The following LPAR3 variants were observed in gnomAD, a reference collection of about 807,000 sequenced individuals.
The protein encoded by LPAR3 is lysophosphatidic acid receptor 3.
In LPAR3, 7 loss-of-function variants were observed where a neutral mutation model predicts 17.8. The observed-to-expected ratio is 0.39, with a 90% confidence interval of 0.22 to 0.74. The LOEUF (loss-of-function observed/expected upper bound fraction) is 0.74, where lower values mean the gene tolerates loss of function less well. LPAR3 is among the 30% of genes least tolerant of loss of function. The pLI is 0.40. For missense variants in LPAR3, 391 were observed against 453.4 expected, an observed-to-expected ratio of 0.86 and a Z score of 1.25; for synonymous variants, 179 against 179.9, an observed-to-expected ratio of 0.99 and a Z score of 0.04.
At chr1:84,817,684 C>G (rs541203409) in intron 2 of LPAR3, among the ~76,000 whole-genome samples, 3 of 151,954 alleles carry the variant, frequency 2.0e-5, no homozygotes, top group Non-Finnish European at 4.4e-5. Flanking sequence ...AAGATGAGAT[C>G]AGCAGATTTT....
rs375993208 is a variant in LPAR3 at position 84,865,248 on chromosome 1, G to A, written c.736+137C>T. 1.1e-4 allele frequency: 96 copies of A among 852,644 alleles called. No homozygotes were observed. The African/African-American group carries it at 1.3e-3, about 12-fold the overall frequency. 52.8% of individuals were successfully genotyped at this position (852,644 alleles called of 1,614,324 possible). A position where few individuals can be genotyped will look rare whatever the true frequency, so the allele number is the denominator to read the frequency against. Reference sequence around the variant, plus strand: ...TTTCCTTATTAGAGTGTAAGCTCCAGGTGGGTGGCGATTTATGTCCGTTCT... The same window carrying A: ...TTTCCTTATTAGAGTGTAAGCTCCAAGTGGGTGGCGATTTATGTCCGTTCT... On this transcript the variant is annotated intron_variant, in intron 2 of 2. Transcript: ENST00000370611.
Position 84,813,912 on chromosome 1 carries a change from G to A in LPAR3, c.996C>T (p.Asp332=). ...TATCCTCTATGTACTGGCTGCCTGT[G>A]TCACTCCTGCTGAGGACTGTGGAGG... The part of the protein sequence containing the change: ...RIPSTVLSRS[D]TGSQYIEDSI... Residue 332 remains aspartate (D), a synonymous_variant, in exon 3 of 3, where the codon GAC becomes GAT. Transcript: ENST00000370611. 1.2e-6 allele frequency: 2 copies of A among 1,614,166 alleles called. No individual in the cohort carries two copies. Among genetic ancestry groups the A allele is most frequent in the South Asian group, 1.1e-5 (1 of 91,080 alleles).
chr1:84,850,994 G>A (rs79614619), intron 2 of LPAR3, among the ~76,000 whole-genome samples: 4,487 of 152,338 alleles, frequency 0.029, 232 homozygotes, highest in African/African-American at 0.099. Flanking sequence ...AGCACTGGGA[G>A]GAGGGTATGC....
chr1:84,840,442 T>C (rs1328506471), intron 2 of LPAR3, among the ~76,000 whole-genome samples: 8 of 152,216 alleles, frequency 5.3e-5, no homozygotes, highest in Non-Finnish European at 1.0e-4. Flanking sequence ...AAAAATCTTA[T>C]AGAAGACTTT....
At chr1:84,816,488 T>C (rs988512426) in intron 2 of LPAR3, among the ~76,000 whole-genome samples, 3 of 152,104 alleles carry the variant, frequency 2.0e-5, no homozygotes, top group Admixed American at 6.5e-5. Flanking sequence ...TGCTGAACAA[T>C]GGTTTCTTCT....
intron 2 of LPAR3, among the ~76,000 whole-genome samples, chr1:84,835,213 G>A (rs189038911): frequency 3.3e-5 from 5 of 152,272 alleles, no homozygotes; most frequent in Admixed American, 6.5e-5. Context: ...AAGATGCACC[G>A]TGGACTGATC....
intron 1 of LPAR3, among the ~76,000 whole-genome samples, chr1:84,878,566 C>T (rs1660299055): frequency 6.6e-6 from 1 of 152,120 alleles, no homozygotes; most frequent in Non-Finnish European, 1.5e-5. Flanking sequence ...ACCCAATGTG[C>T]CTTGGAGCTA....
At chr1:84,885,865 A>G (rs1215769057) in intron 1 of LPAR3, among the ~76,000 whole-genome samples, 1 of 152,240 alleles carries the variant, frequency 6.6e-6, no homozygotes, top group Non-Finnish European at 1.5e-5. Flanking sequence ...ACTGCCAGAG[A>G]AGATATGTAC....
intron 2 of LPAR3, among the ~76,000 whole-genome samples, chr1:84,828,008 G>A (rs144291949): frequency 5.3e-5 from 8 of 152,162 alleles, no homozygotes; most frequent in Non-Finnish European, 2.9e-5. Flanking sequence ...AGAAGAAGAG[G>A]GGGTGGAGGG....
intron 2 of LPAR3, among the ~76,000 whole-genome samples, chr1:84,840,159 G>C (rs1364175334): frequency 6.6e-6 from 1 of 152,194 alleles, no homozygotes; most frequent in Non-Finnish European, 1.5e-5. Flanking sequence ...CCTGGGCTCA[G>C]GCAGTTCTCC....
At chr1:84,887,186 G>A (rs970212013) in intron 1 of LPAR3, among the ~76,000 whole-genome samples, 21 of 149,044 alleles carry the variant, frequency 1.4e-4, no homozygotes, top group Non-Finnish European at 2.5e-4. Flanking sequence ...GCACCATGGT[G>A]AAACCAACTC....
At chr1:84,846,647 G>A (rs1468752331) in intron 2 of LPAR3, among the ~76,000 whole-genome samples, 1 of 152,094 alleles carries the variant, frequency 6.6e-6, no homozygotes, top group Non-Finnish European at 1.5e-5. Flanking sequence ...GTCTCCTGGT[G>A]TTAATAGCTT....
Position 84,813,849 on chromosome 1 carries a change from G to A in LPAR3, c.1059C>T (p.Ser353=). ...SQGAVCNKST[S] ...TGGGCCGAGAGGCATCCAGAGTTTA[G>A]GAAGTGCTTTTATTGCAGACTGCAC... The change falls in exon 3 of 3, where the codon TCC becomes TCT. Residue 353 remains serine (S), a synonymous_variant. Transcript: ENST00000370611. 6.2e-7 allele frequency: 1 copy of A among 1,612,052 alleles called. No individual in the cohort carries two copies. The highest frequency in any genetic ancestry group is 2.2e-5 in the East Asian group (1 of 44,826).
chr1:84,881,739 T>C (rs554419868), intron 1 of LPAR3, among the ~76,000 whole-genome samples: 61 of 151,840 alleles, frequency 4.0e-4, no homozygotes, highest in Non-Finnish European at 3.5e-4. Context: ...GGAGGCAGGA[T>C]TGGAAAGGGG....
intron 2 of LPAR3, among the ~76,000 whole-genome samples, chr1:84,828,302 G>A (rs1659205015): frequency 6.6e-6 from 1 of 152,078 alleles, no homozygotes. Flanking sequence ...AAATTCGAAT[G>A]GCAATCATTT....
chr1:84,839,681 G>GTAAAA (rs149291447), intron 2 of LPAR3, among the ~76,000 whole-genome samples: 73,551 of 149,360 alleles, frequency 0.49, 18,514 homozygotes, highest in African/African-American at 0.59. Context: ...AAATAAATAC[G>GTAAAA]TAAAATAAAA....
At chr1:84,866,939 G>C (rs1362834919) in intron 1 of LPAR3, among the ~76,000 whole-genome samples, 3 of 152,122 alleles carry the variant, frequency 2.0e-5, no homozygotes, top group African/African-American at 7.2e-5. Context: ...TCCTCAACAC[G>C]GCAGGTGGAG....
At chr1:84,883,120 T>C (rs1660394106) in intron 1 of LPAR3, among the ~76,000 whole-genome samples, 1 of 152,198 alleles carries the variant, frequency 6.6e-6, no homozygotes, top group African/African-American at 2.4e-5. Flanking sequence ...AAGATCTAAC[T>C]TGTCAGGTTA....
At chr1:84,879,677 C>T (rs544524406) in intron 1 of LPAR3, among the ~76,000 whole-genome samples, 149 of 152,324 alleles carry the variant, frequency 9.8e-4, no homozygotes, top group Non-Finnish European at 1.8e-3. Flanking sequence ...ACTGTACACT[C>T]GGTTTTCCAG....
Sources: gnomAD v4.1 joint callset for allele counts (sites outside exome capture counted in the v4.1 genomes callset) on GRCh38, gnomAD v4.1.1 for gene constraint, MANE v1.5 for transcripts, NCBI Gene and HGNC (gene_info 2026-07-23, HGNC 2026-07-21) for gene names.